The following RAB38 variants were observed in gnomAD, a reference collection of about 807,000 sequenced individuals.
RAB38 encodes the protein ras-related protein Rab-38.
Under a neutral mutation model 18.4 loss-of-function variants are expected in RAB38, and 15 were observed. The observed-to-expected ratio is 0.82, with a 90% CI of 0.55 to 1.26. The LOEUF is 1.26. Ranked by LOEUF, RAB38 falls within the 50% of genes most tolerant of loss-of-function variation. The pLI is 0.00. For synonymous variants in RAB38, 101 were observed against 104.4 expected, an observed-to-expected ratio of 0.97 and a Z score of 0.20; for missense variants, 294 against 267.4, an observed-to-expected ratio of 1.10 and a Z score of -0.69.
chr11:87,914,607 T>C, the RAB38 span, among the ~76,000 whole-genome samples: 1 of 152,130 alleles, frequency 6.6e-6, no homozygotes. Flanking sequence ...AATGAAAAAG[T>C]GTTTTCAGAA....
At chr11:87,807,413 C>T in the RAB38 span, among the ~76,000 whole-genome samples, 1 of 152,312 alleles carries the variant, frequency 6.6e-6, no homozygotes, top group African/African-American at 2.4e-5. Flanking sequence ...GAAAGTTTGA[C>T]AGGCCTATGG....
At chr11:88,033,634 C>T in the RAB38 span, among the ~76,000 whole-genome samples, 2 of 149,104 alleles carry the variant, frequency 1.3e-5, no homozygotes, top group Admixed American at 6.7e-5. Context: ...CTGTGTGTGT[C>T]TTTAGTTCTT....
the RAB38 span, among the ~76,000 whole-genome samples, chr11:88,019,633 T>C: frequency 6.6e-6 from 1 of 152,192 alleles, no homozygotes; most frequent in Non-Finnish European, 1.5e-5. Context: ...TATGTACTTC[T>C]CTGAACTCAT....
At chr11:87,961,278 AG>A in the RAB38 span, among the ~76,000 whole-genome samples, 1 of 152,174 alleles carries the variant, frequency 6.6e-6, no homozygotes, top group Non-Finnish European at 1.5e-5. Context: ...AAAGTGCCTA[AG>A]GACTAACCTC....
the RAB38 span, among the ~76,000 whole-genome samples, chr11:88,025,100 A>G: frequency 6.6e-6 from 1 of 151,982 alleles, no homozygotes; most frequent in Non-Finnish European, 1.5e-5. Flanking sequence ...TACATATTGT[A>G]TGCCTCAACC....
At chr11:88,127,997 TG>T (rs1565211281) in intron 2 of RAB38, among the ~76,000 whole-genome samples, 2 of 152,240 alleles carry the variant, frequency 1.3e-5, no homozygotes, top group African/African-American at 4.8e-5. Context: ...ATGTAATTTA[TG>T]AATGAACTGT....
chr11:88,128,329 G>C (rs536076815), intron 2 of RAB38, among the ~76,000 whole-genome samples: 10 of 152,328 alleles, frequency 6.6e-5, no homozygotes, highest in Admixed American at 2.0e-4. Context: ...AAACTTGTGG[G>C]AGAGCTGAGA....
chr11:88,030,259 G>T, the RAB38 span, among the ~76,000 whole-genome samples: 65 of 152,282 alleles, frequency 4.3e-4, 1 homozygote, highest in African/African-American at 1.5e-3. Flanking sequence ...AGCACTAAAT[G>T]CCCACAAGAG....
At chr11:87,831,066 C>CAA in the RAB38 span, among the ~76,000 whole-genome samples, 1 of 152,152 alleles carries the variant, frequency 6.6e-6, no homozygotes, top group African/African-American at 2.4e-5. Context: ...CTTGACCTCC[C>CAA]AAAGTGCTGG....
chr11:88,052,191 A>G, the RAB38 span, among the ~76,000 whole-genome samples: 12 of 152,264 alleles, frequency 7.9e-5, no homozygotes, highest in South Asian at 1.2e-3. Flanking sequence ...AGAGATGAAT[A>G]GAGAATAGAA....
the RAB38 span, among the ~76,000 whole-genome samples, chr11:87,937,877 T>TG: frequency 1.4e-5 from 2 of 143,584 alleles, no homozygotes; most frequent in Non-Finnish European, 3.0e-5. Context: ...AGTGTTTTTT[T>TG]TTTTTTTTTT....
the RAB38 span, among the ~76,000 whole-genome samples, chr11:87,906,862 T>C: frequency 6.6e-6 from 1 of 152,052 alleles, no homozygotes; most frequent in South Asian, 2.1e-4. Flanking sequence ...TTGTTCCTTT[T>C]TACACCTACT....
intron 1 of RAB38, among the ~76,000 whole-genome samples, chr11:88,174,844 T>C (rs534016107): frequency 7.2e-5 from 11 of 152,328 alleles, no homozygotes; most frequent in African/African-American, 2.6e-4. Flanking sequence ...GGCTGCGTCA[T>C]TGGCAGAACT....
At chr11:87,806,836 A>C in the RAB38 span, among the ~76,000 whole-genome samples, 1 of 152,206 alleles carries the variant, frequency 6.6e-6, no homozygotes, top group South Asian at 2.1e-4. Flanking sequence ...TAACAATGAA[A>C]TGTTTTTAGT....
the RAB38 span, among the ~76,000 whole-genome samples, chr11:87,917,720 C>T: frequency 6.6e-6 from 1 of 152,004 alleles, no homozygotes; most frequent in Non-Finnish European, 1.5e-5. Context: ...TCCATGCACT[C>T]TTCTTCCTCA....
At chr11:88,152,631 CCTTT>C (rs1479004690) in intron 1 of RAB38, among the ~76,000 whole-genome samples, 1 of 152,208 alleles carries the variant, frequency 6.6e-6, no homozygotes, top group Non-Finnish European at 1.5e-5. Flanking sequence ...TTTTCTCCTT[CCTTT>C]GTCAGCTGAC....
downstream of RAB38, among the ~76,000 whole-genome samples, chr11:88,109,205 C>T (rs1028048043): frequency 1.2e-4 from 19 of 152,092 alleles, no homozygotes; most frequent in Admixed American, 9.2e-4. Flanking sequence ...ACAGAGGCCT[C>T]AGGAAAAACA....
the RAB38 span, among the ~76,000 whole-genome samples, chr11:87,959,304 T>C: frequency 1.3e-5 from 2 of 152,198 alleles, no homozygotes; most frequent in Non-Finnish European, 2.9e-5. Flanking sequence ...TTCTAAAACC[T>C]ACACAGTAAG....
At chr11:88,031,397 G>T in the RAB38 span, among the ~76,000 whole-genome samples, 10 of 149,764 alleles carry the variant, frequency 6.7e-5, no homozygotes, top group African/African-American at 9.8e-5. Flanking sequence ...GGCAGGAGAA[G>T]GAAATAAAGG....
Sources: gnomAD v4.1 joint callset for allele counts (sites outside exome capture counted in the v4.1 genomes callset) on GRCh38, gnomAD v4.1.1 for gene constraint, MANE v1.5 for transcripts, NCBI Gene and HGNC (gene_info 2026-07-23, HGNC 2026-07-21) for gene names.